The following ATP8B1 variants were observed in gnomAD, a reference collection of about 807,000 sequenced individuals.
ATP8B1 encodes the protein ATPase phospholipid transporting 8B1.
A neutral mutation model predicts 149.9 loss-of-function variants in ATP8B1; 80 were observed. The observed-to-expected ratio is 0.53, with a 90% CI of 0.45 to 0.64. ATP8B1 has a LOEUF of 0.64. Among genes scored for constraint, ATP8B1 ranks in the 30% least tolerant of loss-of-function variants. The pLI, the probability that ATP8B1 is intolerant of heterozygous loss-of-function variation, is 0.00. For synonymous variants in ATP8B1, 536 were observed against 562.8 expected (o/e 0.95, Z 0.67); for missense variants, 1,247 against 1,552.6 (o/e 0.80, Z 3.31).
intron 22 of ATP8B1, among the ~76,000 whole-genome samples, chr18:57,656,254 C>T (rs1273847942): frequency 6.6e-6 from 1 of 152,128 alleles, no homozygotes; most frequent in African/African-American, 2.4e-5. Context: ...CTGTGCTAAA[C>T]CCTGACTGAC....
chr18:57,663,988 A>T (rs535431578), intron 20 of ATP8B1, among the ~76,000 whole-genome samples: 2 of 150,748 alleles, frequency 1.3e-5, no homozygotes, highest in South Asian at 4.2e-4. Context: ...GATGGTCTCA[A>T]TCTCTTGACT....
Position 57,774,574 on chromosome 18 carries a change from C to T in ATP8B1, c.-26+28424G>A, listed in dbSNP as rs891122074. ...TTGTGCCATTGCACTCCAGCCTGGG[C>T]GACAGAGTGTGAGACTCCATCTCAA... On this transcript the variant is annotated intron_variant, in intron 1 of 27. Coordinates refer to ENST00000648908, the MANE Select transcript of ATP8B1 (RefSeq NM_001374385.1). Among the ~76,000 whole-genome samples, 13 of 151,992 alleles carry T rather than the reference C, an allele frequency of 8.6e-5. No individual in the cohort carries two copies. In the East Asian group the frequency reaches 2.1e-3, roughly 25 times the overall value.
chr18:57,688,637 C>G (rs1912380590), intron 12 of ATP8B1, 130 bp from the exon 13 acceptor site: 2 of 951,970 alleles, frequency 2.1e-6, no homozygotes, highest in African/African-American at 3.2e-5. Context: ...TTAGAATCCC[C>G]CTCCAAATTC....
intron 27 of ATP8B1, 32 bp from the exon 28 acceptor site, chr18:57,648,744 A>G: frequency 6.5e-7 from 1 of 1,546,294 alleles, no homozygotes. Flanking sequence ...AGGGATGAAA[A>G]TAAGATCCAC....
intron 8 of ATP8B1, among the ~76,000 whole-genome samples, chr18:57,697,039 TC>T (rs1301906395): frequency 6.6e-6 from 1 of 152,134 alleles, no homozygotes; most frequent in Non-Finnish European, 1.5e-5. Context: ...GGTGGGCAGA[TC>T]ACTTGAGATC....
intron 21 of ATP8B1, among the ~76,000 whole-genome samples, chr18:57,661,725 T>A (rs1304796363): frequency 7.2e-6 from 1 of 139,260 alleles, no homozygotes; most frequent in African/African-American, 2.6e-5. Flanking sequence ...TTTTTTTTTT[T>A]TTTTTTTTGA....
chr18:57,697,017 T>C (rs2122906079), intron 8 of ATP8B1, among the ~76,000 whole-genome samples: 1 of 152,226 alleles, frequency 6.6e-6, no homozygotes, highest in East Asian at 1.9e-4. Flanking sequence ...TCCCAGCAAT[T>C]TGGCAGGCCA....
intron 24 of ATP8B1, 52 bp downstream of exon 24, chr18:57,653,940 C>T: frequency 6.7e-7 from 1 of 1,499,258 alleles, no homozygotes; most frequent in Non-Finnish European, 9.3e-7. Context: ...TGGGACTTCT[C>T]TAACGCATTC....
chr18:57,660,313 G>A (rs183485227), intron 22 of ATP8B1, among the ~76,000 whole-genome samples: 2 of 152,286 alleles, frequency 1.3e-5, no homozygotes, highest in African/African-American at 4.8e-5. Context: ...ATGAGAGCAC[G>A]TGGAAGCTTT....
intron 1 of ATP8B1, among the ~76,000 whole-genome samples, chr18:57,752,336 G>A (rs1184815482): frequency 1.3e-5 from 2 of 152,028 alleles, no homozygotes; most frequent in Non-Finnish European, 2.9e-5. Context: ...CCTGTCTGAG[G>A]TTAGACAGAT....
chr18:57,656,729 G>C (rs1284553284), intron 22 of ATP8B1, among the ~76,000 whole-genome samples: 1 of 150,492 alleles, frequency 6.6e-6, no homozygotes, highest in East Asian at 2.0e-4. Flanking sequence ...AAATAAAGTA[G>C]TGGGGAGAGA....
intron 1 of ATP8B1, among the ~76,000 whole-genome samples, chr18:57,764,056 TA>T (rs2123341335): frequency 6.6e-6 from 1 of 152,358 alleles, no homozygotes; most frequent in Admixed American, 6.5e-5. Context: ...GTTTTCCACT[TA>T]TTATAATACT....
In ATP8B1 at chr18:57,781,629, TACGTG is replaced by T. The variant is rs2080358171; in HGVS notation, c.-26+21364_-26+21368del. 2.0e-5 allele frequency among the ~76,000 whole-genome samples: 3 copies of T among 152,210 alleles called. No individual in the cohort carries two copies. In the South Asian group the frequency reaches 6.2e-4, roughly 32 times the overall value. On this transcript the variant is annotated intron_variant, in intron 1 of 27. Transcript: ENST00000648908. ...TTGTGGACTCCAGGGATGAAGAAGA[TACGTG>T]ATCTCTCACTATAACTTAAATCCTA...
chr18:57,775,241 C>T (rs1352833863), intron 1 of ATP8B1, among the ~76,000 whole-genome samples: 1 of 151,984 alleles, frequency 6.6e-6, no homozygotes, highest in African/African-American at 2.4e-5. Flanking sequence ...TGCTTGAGCC[C>T]AGGGGTCAAG....
intron 1 of ATP8B1, among the ~76,000 whole-genome samples, chr18:57,751,213 T>C (rs9948410): frequency 0.5 from 76,684 of 151,990 alleles, 20,078 homozygotes; most frequent in Non-Finnish European, 0.58. Context: ...AATGTTGGGC[T>C]AGGCTTGTGG....
At position 57,652,721 on chromosome 18, in the gene ATP8B1, A is replaced by T; in HGVS notation, c.3024T>A (p.Ser1008Arg). Residue 1008 changes from serine (S) to arginine (R), a missense_variant, in exon 25 of 28, where the codon AGT (serine) becomes AGA (arginine). Coordinates refer to ENST00000648908, the MANE Select transcript of ATP8B1 (RefSeq NM_001374385.1). ...CAGGGAATCGGAGGCTCAGTTTGTC[A>T]CTCACATCCTTAAGGAGAAAACAAA... ...LLMGLLDQDV[S>R]DKLSLRFPGL... 1 of 1,614,182 alleles carries T rather than the reference A, an allele frequency of 6.2e-7. No homozygotes were observed. Among genetic ancestry groups the T allele is most frequent in the Non-Finnish European group, 8.5e-7 (1 of 1,180,012 alleles).
chr18:57,713,786 G>GCTGT (rs1475663011), intron 2 of ATP8B1, among the ~76,000 whole-genome samples: 7 of 59,446 alleles, frequency 1.2e-4, no homozygotes, highest in South Asian at 6.1e-4. Flanking sequence ...CACCGCGCCC[G>GCTGT]GCCTAATTTT....
rs71365356 is a variant in ATP8B1 at position 57,732,345 on chromosome 18, G to A, written c.-25-513C>T. Among the ~76,000 whole-genome samples, 23 of 28,918 alleles carry A rather than the reference G, an allele frequency of 8.0e-4. 2 individuals carry two copies. Among genetic ancestry groups the A allele is most frequent in the East Asian group, 7.8e-3 (2 of 258 alleles). 19.0% of individuals were successfully genotyped at this position (28,918 alleles called of 152,430 possible). The stretch of plus-strand genomic sequence containing the variant: ...TGTGTATATATGTGTGTATATATAT[G>A]TATATATGTGTATATATATGTATAT... On this transcript the variant is annotated intron_variant, in intron 1 of 27. Coordinates refer to ENST00000648908, the MANE Select transcript of ATP8B1 (RefSeq NM_001374385.1).
intron 22 of ATP8B1, among the ~76,000 whole-genome samples, chr18:57,657,041 A>G (rs1182943692): frequency 6.6e-6 from 1 of 152,090 alleles, no homozygotes; most frequent in Admixed American, 6.6e-5. Context: ...CAGGTTTGTT[A>G]CATGGGTATA....
Sources: allele counts gnomAD v4.1 joint callset (sites outside exome capture counted in the v4.1 genomes callset), GRCh38; gene constraint gnomAD v4.1.1; transcripts MANE v1.5; gene names NCBI Gene and HGNC (gene_info 2026-07-23, HGNC 2026-07-21).